CTNNBIP1: variants seen among roughly 807,000 people sequenced by gnomAD.
CTNNBIP1 encodes catenin beta interacting protein 1.
In CTNNBIP1, 7 loss-of-function variants were observed where a neutral mutation model predicts 11.8. The observed-to-expected ratio is 0.60, with a 90% CI of 0.34 to 1.12. The LOEUF (loss-of-function observed/expected upper bound fraction) is 1.12, where lower values mean the gene tolerates loss of function less well. CTNNBIP1 is among the 50% of genes most tolerant of loss of function. CTNNBIP1 has a pLI of 0.03. For missense variants in CTNNBIP1, 101 were observed against 113.4 expected (o/e 0.89, Z 0.50); for synonymous variants, 58 against 43.9 (o/e 1.32, Z -1.26).
At chr1:9,861,511 G>T (rs1196853991) in intron 5 of CTNNBIP1, among the ~76,000 whole-genome samples, 2 of 152,186 alleles carry the variant, frequency 1.3e-5, no homozygotes. Context: ...GGCGGCCGGC[G>T]ACCAGTGATC....
At chr1:9,893,481 T>C (rs1639348150) in intron 1 of CTNNBIP1, among the ~76,000 whole-genome samples, 1 of 152,166 alleles carries the variant, frequency 6.6e-6, no homozygotes, top group African/African-American at 2.4e-5. Flanking sequence ...ACTCCAGTTT[T>C]TCCAGGCCAA....
rs1383863905 is a variant in CTNNBIP1 at position 9,871,135 on chromosome 1, C to T, written c.187+52G>A. Reference sequence around the variant, plus strand: ...TACGCTTTCTAAGGGAACCACAAGTCGGTGCCCCTGGGACTTGTGCCACTG... The same window carrying T: ...TACGCTTTCTAAGGGAACCACAAGTTGGTGCCCCTGGGACTTGTGCCACTG... On this transcript the variant is annotated intron_variant, in intron 5 of 5. Coordinates refer to ENST00000377263, the MANE Select transcript of CTNNBIP1 (RefSeq NM_020248.3). This position sits in a 1 kb window ranked among gnomAD's most constrained non-coding sequence, Gnocchi z 5.2. 2.6e-5 allele frequency: 35 copies of T among 1,352,478 alleles called. No homozygotes were observed. In the Admixed American group the frequency reaches 5.4e-4, roughly 21 times the overall value. The allele number at this position is 1,352,478 out of a possible 1,614,324, so 83.8% of individuals were successfully genotyped here. A position where few individuals can be genotyped will look rare whatever the true frequency, so the allele number is the denominator to read the frequency against.
intron 1 of CTNNBIP1, among the ~76,000 whole-genome samples, chr1:9,894,523 T>C (rs1452982156): frequency 6.9e-6 from 1 of 145,440 alleles, no homozygotes; most frequent in African/African-American, 2.5e-5. Context: ...ACTCGACTGC[T>C]TTTTTTTTTT....
intron 1 of CTNNBIP1, among the ~76,000 whole-genome samples, chr1:9,885,494 G>A (rs1043167412): frequency 6.6e-6 from 1 of 152,118 alleles, no homozygotes; most frequent in Middle Eastern, 3.4e-3. Context: ...AAATACAAAA[G>A]TTAGCTAGGT....
chr1:9,905,047 T>G (rs1461646672), intron 1 of CTNNBIP1, among the ~76,000 whole-genome samples: 1 of 152,056 alleles, frequency 6.6e-6, no homozygotes, highest in African/African-American at 2.4e-5. Context: ...CTCAAAAACC[T>G]CCCAGGACAA....
At chr1:9,861,967 C>G (rs532430906) in intron 5 of CTNNBIP1, among the ~76,000 whole-genome samples, 1 of 152,348 alleles carries the variant, frequency 6.6e-6, no homozygotes, top group East Asian at 1.9e-4. Context: ...AGGGTCGCAC[C>G]TTGGGGCTCC....
chr1:9,884,417 C>T (rs1012834401), intron 1 of CTNNBIP1, among the ~76,000 whole-genome samples: 3 of 152,072 alleles, frequency 2.0e-5, no homozygotes, highest in African/African-American at 7.2e-5. Flanking sequence ...CCGAGAGCTG[C>T]CCAGCCCCAG....
chr1:9,853,803 G>A (rs1638442808), intron 5 of CTNNBIP1, among the ~76,000 whole-genome samples: 1 of 152,284 alleles, frequency 6.6e-6, no homozygotes. Flanking sequence ...AACATTAAAA[G>A]ATAAGGATAG....
intron 1 of CTNNBIP1, among the ~76,000 whole-genome samples, chr1:9,886,409 G>A (rs1335403628): frequency 6.6e-6 from 1 of 152,156 alleles, no homozygotes; most frequent in African/African-American, 2.4e-5. Context: ...TATATCTTCT[G>A]ACGTTGCCAT....
intron 5 of CTNNBIP1, among the ~76,000 whole-genome samples, chr1:9,862,318 A>G (rs925627917): frequency 4.6e-5 from 7 of 152,156 alleles, no homozygotes; most frequent in African/African-American, 7.2e-5. Context: ...TCCTGGACTC[A>G]AGTGATCTCC....
chr1:9,905,316 A>G (rs544929987), intron 1 of CTNNBIP1, among the ~76,000 whole-genome samples: 54 of 152,232 alleles, frequency 3.5e-4, no homozygotes, highest in Non-Finnish European at 6.8e-4. Flanking sequence ...ATCACCATCC[A>G]TGTCTCCCAA....
chr1:9,861,684 G>A (rs1021311299), intron 5 of CTNNBIP1, among the ~76,000 whole-genome samples: 18 of 152,212 alleles, frequency 1.2e-4, no homozygotes, highest in African/African-American at 4.3e-4. Context: ...CCAGCTCCCA[G>A]TAGAGACATC....
chr1:9,902,906 C>T (rs1639549969), intron 1 of CTNNBIP1, among the ~76,000 whole-genome samples: 2 of 152,146 alleles, frequency 1.3e-5, no homozygotes. Context: ...GCTGGGACTA[C>T]AGGTGCGTAC....
intron 1 of CTNNBIP1, among the ~76,000 whole-genome samples, chr1:9,906,643 C>T (rs1639626430): frequency 6.6e-6 from 1 of 152,194 alleles, no homozygotes; most frequent in African/African-American, 2.4e-5. Flanking sequence ...AGCAGCTGTT[C>T]CCCACAGGCA....
intron 1 of CTNNBIP1, among the ~76,000 whole-genome samples, chr1:9,899,068 T>C (rs983147311): frequency 1.3e-5 from 2 of 152,186 alleles, no homozygotes; most frequent in Non-Finnish European, 2.9e-5. Context: ...CATGAGAATT[T>C]TTCCTGAATA....
In CTNNBIP1 at chr1:9,872,059, G is replaced by A; in HGVS notation, c.6C>T (p.Asn2=). The A allele has an allele frequency of 6.2e-7, 1 of 1,613,984 alleles. No homozygotes were observed. Among genetic ancestry groups the A allele is most frequent in the Non-Finnish European group, 8.5e-7 (1 of 1,179,826 alleles). The change falls in exon 4 of 6, where the codon AAC becomes AAT. Residue 2 remains asparagine, a synonymous_variant. Transcript: ENST00000377263. The surrounding 1 kb of genome is among the most constrained non-coding windows in gnomAD (Gnocchi z 4.0). ...GACTCTTCCCGGGAGCTCCCTCGCG[G>A]TTCATCCCCCTGCCTGGCTCTGGGG... M[N]REGAPGKSPE... is the part of the protein sequence containing the mutation.
intron 5 of CTNNBIP1, among the ~76,000 whole-genome samples, chr1:9,861,131 G>A (rs896110963): frequency 6.6e-6 from 1 of 152,164 alleles, no homozygotes; most frequent in Non-Finnish European, 1.5e-5. Context: ...CTGACCATAT[G>A]GTTTTTGGTT....
intron 5 of CTNNBIP1, among the ~76,000 whole-genome samples, chr1:9,858,117 T>C (rs1216266890): frequency 6.6e-6 from 1 of 152,178 alleles, no homozygotes; most frequent in Non-Finnish European, 1.5e-5. Context: ...ACTTCGCTAC[T>C]TATAAGGTAG....
rs559273200 is a variant in CTNNBIP1 at position 9,866,842 on chromosome 1, C to T, written c.187+4345G>A. Among the ~76,000 whole-genome samples, 4 of 152,054 alleles carry T rather than the reference C, an allele frequency of 2.6e-5. No individual in the cohort carries two copies. In the South Asian group the frequency reaches 8.3e-4, roughly 32 times the overall value. On this transcript the variant is annotated intron_variant, in intron 5 of 5. Transcript: ENST00000377263. ...GCTGTGAGACAAGAGTGAATATGGG[C>T]TCAGTCCAAGAGGGGGCTGGAAATG...
Sources: allele counts gnomAD v4.1 joint callset (sites outside exome capture counted in the v4.1 genomes callset), GRCh38; gene constraint gnomAD v4.1.1; non-coding constraint Gnocchi (gnomAD v3.1); transcripts MANE v1.5; gene names NCBI Gene and HGNC (gene_info 2026-07-23, HGNC 2026-07-21).